The following ZCCHC9 variants were observed in gnomAD, a reference collection of about 807,000 sequenced individuals.
ZCCHC9 encodes zinc finger CCHC-type containing 9.
In ZCCHC9, 18 loss-of-function variants were observed where a neutral mutation model predicts 30.8. The ratio of observed to expected loss-of-function variants is 0.58; its 90% confidence interval spans 0.40 to 0.87. ZCCHC9 has a LOEUF of 0.87. ZCCHC9 is among the 40% of genes least tolerant of loss of function. The probability of loss-of-function intolerance (pLI) is 0.00; values close to 1 mark genes in which losing one functional copy is unlikely to be tolerated. For synonymous variants in ZCCHC9, 94 were observed against 106.7 expected (o/e 0.88, Z 0.73); for missense variants, 279 against 331.2 (o/e 0.84, Z 1.22).
intron 5 of ZCCHC9, 117 bp downstream of exon 5, chr5:81,311,396 T>A: frequency 1.9e-6 from 2 of 1,048,534 alleles, no homozygotes; most frequent in Non-Finnish European, 2.9e-6. Flanking sequence ...CAACCTGTTT[T>A]CCTACTGTAG....
chr5:81,309,341 C>T (rs1249144691), intron 4 of ZCCHC9, among the ~76,000 whole-genome samples: 1 of 152,118 alleles, frequency 6.6e-6, no homozygotes, highest in Non-Finnish European at 1.5e-5. Flanking sequence ...GATTATATCT[C>T]AAGCTAATAT....
At position 81,312,550 on chromosome 5, in the gene ZCCHC9, T is replaced by C; in HGVS notation, c.704T>C (p.Met235Thr). The change falls in exon 6 of 6, where the codon ATG (methionine) becomes ACG (threonine). Residue 235 changes from methionine to threonine, a missense_variant. Physicochemically the swap from Met to Thr is moderately conservative, Grantham distance 81 (BLOSUM62 -1). Transcript: ENST00000407610. ...DCPESQNSER[M>T]VTVGRWAKGM... ...TTTTTCTATTCCTTTACAGAGCGAA[T>C]GGTCACAGTTGGTCGCTGGGCAAAG... is the stretch of plus-strand genomic sequence containing the variant. 6.2e-7 allele frequency: 1 copy of C among 1,612,418 alleles called. No individual in the cohort carries two copies. Among genetic ancestry groups the C allele is most frequent in the Non-Finnish European group, 8.5e-7 (1 of 1,178,996 alleles).
intron 2 of ZCCHC9, among the ~76,000 whole-genome samples, chr5:81,307,226 C>CA (rs1332659432): frequency 1.3e-5 from 2 of 152,196 alleles, no homozygotes; most frequent in African/African-American, 4.8e-5. Flanking sequence ...TTTATTGCAG[C>CA]AAAAAAATTC....
chr5:81,305,212 T>C (rs1439765001), intron 2 of ZCCHC9, 71 bp downstream of exon 2: 9 of 1,514,680 alleles, frequency 5.9e-6, no homozygotes, highest in East Asian at 4.6e-5. Context: ...CACACACATA[T>C]ATACCTTAGC....
chr5:81,304,829 G>A lies in ZCCHC9; in HGVS notation c.72G>A (p.Met24Ile). ...RPLPATSWED[M>I]KKGSFEGTSQ... The stretch of plus-strand genomic sequence containing the variant: ...TGCCTGCAACATCATGGGAGGACAT[G>A]AAGAAGGGATCCTTTGAGGGAACAA... Residue 24 changes from methionine (M) to isoleucine (I), a missense_variant, in exon 2 of 6, where the codon ATG (methionine) becomes ATA (isoleucine). Physicochemically the swap from Met to Ile is conservative, Grantham distance 10. Transcript: ENST00000407610. 2 of 1,614,046 alleles carry A rather than the reference G, an allele frequency of 1.2e-6. No individual in the cohort carries two copies. The highest frequency in any genetic ancestry group is 1.7e-6 in the Non-Finnish European group (2 of 1,180,018).
Position 81,304,870 on chromosome 5 carries a change from A to C in ZCCHC9, c.113A>C (p.Lys38Thr). The C allele has an allele frequency of 6.2e-7, 1 of 1,614,216 alleles. No individual in the cohort carries two copies. Among genetic ancestry groups the C allele is most frequent in the South Asian group, 1.1e-5 (1 of 91,084 alleles). The change falls in exon 2 of 6, where the codon AAG (lysine) becomes ACG (threonine). Residue 38 changes from lysine (K) to threonine (T), a missense_variant. Lys to Thr is a moderately conservative substitution (Grantham distance 78). Coordinates refer to ENST00000407610, the MANE Select transcript of ZCCHC9 (RefSeq NM_001131035.2). ...SFEGTSQNLPKRKQLEANRLS... is the reference protein window; with the variant it reads ...SFEGTSQNLPTRKQLEANRLS... ...GAGGGAACAAGCCAAAACCTACCAA[A>C]GCGTAAACAACTTGAAGCCAATAGG...
Position 81,313,090 on chromosome 5 carries a change from G to C in ZCCHC9, c.*428G>C, listed in dbSNP as rs1758341947. 1 of 152,350 alleles carries C rather than the reference G, an allele frequency of 6.6e-6. No homozygotes were observed. The highest frequency in any genetic ancestry group is 1.5e-5 in the Non-Finnish European group (1 of 68,164). The allele number at this position is 152,350 out of a possible 1,614,324, so 9.4% of individuals were successfully genotyped here. On this transcript the variant is annotated 3_prime_UTR_variant, in exon 6 of 6. Coordinates refer to ENST00000407610, the MANE Select transcript of ZCCHC9 (RefSeq NM_001131035.2). ...TATAATAGAAATTTATAAGTTGCTA[G>C]AAAGTCTATATTTTTAAAGTACGGA...
intron 4 of ZCCHC9, among the ~76,000 whole-genome samples, chr5:81,310,157 T>TAAAAAA (rs71000814): frequency 0.012 from 1,262 of 104,670 alleles, 37 homozygotes; most frequent in African/African-American, 0.048. Flanking sequence ...TGACTAGCTG[T>TAAAAAA]AAAAAAAAAA....
At chr5:81,309,083 G>A in intron 4 of ZCCHC9, 45 bp downstream of exon 4, 1 of 1,418,588 alleles carries the variant, frequency 7.0e-7, no homozygotes, top group Non-Finnish European at 9.6e-7. Flanking sequence ...GAGTCATCGT[G>A]CAGTTGTGAT....
At chr5:81,305,781 C>T (rs79233736) in intron 2 of ZCCHC9, among the ~76,000 whole-genome samples, 13,474 of 152,134 alleles carry the variant, frequency 0.089, 785 homozygotes, top group Non-Finnish European at 0.13. Flanking sequence ...AAAACCTATC[C>T]TCACCTTCCA....
chr5:81,308,576 A>G lies in ZCCHC9; in HGVS notation c.400A>G (p.Arg134Gly). Residue 134 changes from arginine (R) to glycine (G), a missense_variant, in exon 3 of 6, where the codon AGA becomes GGA. Transcript: ENST00000407610. ...GTTTTCCTAGGTGTGTTTCCATTGTAGAAAACCTGGTCATGGAATTGCAGA... is the reference window on the plus strand; with the variant it reads ...GTTTTCCTAGGTGTGTTTCCATTGTGGAAAACCTGGTCATGGAATTGCAGA... Reference protein sequence around the residue: ...KKNAMVCFHCRKPGHGIADCP... With the variant: ...KKNAMVCFHCGKPGHGIADCP... 3 of 1,612,640 alleles carry G rather than the reference A, an allele frequency of 1.9e-6. No individual in the cohort carries two copies. The highest frequency in any genetic ancestry group is 2.5e-6 in the Non-Finnish European group (3 of 1,179,472).
At chr5:81,305,621 G>A (rs147728069) in intron 2 of ZCCHC9, among the ~76,000 whole-genome samples, 1,977 of 151,504 alleles carry the variant, frequency 0.013, 34 homozygotes, top group African/African-American at 0.045. Context: ...AATTAGCCAG[G>A]TGTGGTGGTA....
At chr5:81,308,014 AAAAAAAAAATCTATCT>A (rs1318989725) in intron 2 of ZCCHC9, among the ~76,000 whole-genome samples, 130 of 74,600 alleles carry the variant, frequency 1.7e-3, no homozygotes, top group African/African-American at 5.2e-3. Context: ...AAAAAAAAAA[AAAAAAAAAATCTATCT>A]ATCTATCTAT....
intron 5 of ZCCHC9, among the ~76,000 whole-genome samples, chr5:81,311,728 T>C (rs1758294232): frequency 6.6e-6 from 1 of 151,992 alleles, no homozygotes; most frequent in Non-Finnish European, 1.5e-5. Context: ...ATATTAAAAA[T>C]GTGTTATCTA....
Position 81,304,926 on chromosome 5 carries a change from A to G in ZCCHC9, c.169A>G (p.Lys57Glu), listed in dbSNP as rs150918254. The G allele has an allele frequency of 5.8e-4, 938 of 1,613,924 alleles. 6 individuals carry two copies. The African/African-American group carries it at 0.01, about 18-fold the overall frequency. Residue 57 changes from lysine to glutamate, a missense_variant, in exon 2 of 6, where the codon AAA becomes GAA. Lys to Glu is a moderately conservative substitution (Grantham distance 56). Transcript: ENST00000407610. ...CCTCAAAAATGATGCACCCCAAGCAAAACATAAAAAGAACAAAAAGAAAAA... is the reference window on the plus strand; with the variant it reads ...CCTCAAAAATGATGCACCCCAAGCAGAACATAAAAAGAACAAAAAGAAAAA... ...LSLKNDAPQAKHKKNKKKKEY... is the reference protein window; with the variant it reads ...LSLKNDAPQAEHKKNKKKKEY...
At chr5:81,307,722 C>T (rs1260341562) in intron 2 of ZCCHC9, among the ~76,000 whole-genome samples, 4 of 142,628 alleles carry the variant, frequency 2.8e-5, no homozygotes, top group South Asian at 2.3e-4. Flanking sequence ...TATGGCCAGG[C>T]GTGGTGGCTC....
At chr5:81,306,736 A>G (rs73768062) in intron 2 of ZCCHC9, among the ~76,000 whole-genome samples, 15 of 152,340 alleles carry the variant, frequency 9.8e-5, no homozygotes, top group African/African-American at 3.6e-4. Context: ...GTGCTTCACA[A>G]TCCCATCTAC....
rs190915219 is a variant in ZCCHC9, at chr5:81,304,560, A to G, written c.-17-181A>G. On this transcript the variant is annotated intron_variant, in intron 1 of 5. Coordinates refer to ENST00000407610, the MANE Select transcript of ZCCHC9 (RefSeq NM_001131035.2). ...GTAGATTTATGTTAGAAGCATGTCT[A>G]TGCAGCATATTATAGCATTAAATAT... 3.7e-5 allele frequency: 17 copies of G among 457,600 alleles called. No individual in the cohort carries two copies. The South Asian group carries it at 7.0e-4, about 19-fold the overall frequency. The allele number at this position is 457,600 out of a possible 1,614,324, so 28.3% of individuals were successfully genotyped here. A position where few individuals can be genotyped will look rare whatever the true frequency, so the allele number is the denominator to read the frequency against.
Position 81,312,834 on chromosome 5 carries a change from A to G in ZCCHC9, c.*172A>G. 4.3e-6 allele frequency: 2 copies of G among 467,068 alleles called. No individual in the cohort carries two copies. Among genetic ancestry groups the G allele is most frequent in the Non-Finnish European group, 7.7e-6 (2 of 258,978 alleles). The allele number at this position is 467,068 out of a possible 1,614,324, so 28.9% of individuals were successfully genotyped here. ...ATTCTGTCTATCAAATAGTACTTCT[A>G]CCACTGTTTGGAGAAAATTGAAGAA... On this transcript the variant is annotated 3_prime_UTR_variant, in exon 6 of 6. Coordinates refer to ENST00000407610, the MANE Select transcript of ZCCHC9 (RefSeq NM_001131035.2).
Sources: gnomAD v4.1 joint callset for allele counts (sites outside exome capture counted in the v4.1 genomes callset) on GRCh38, gnomAD v4.1.1 for gene constraint, MANE v1.5 for transcripts, NCBI Gene and HGNC (gene_info 2026-07-23, HGNC 2026-07-21) for gene names.